Variants in TPST1 observed in about 807,000 individuals in gnomAD.
TPST1 encodes tyrosylprotein sulfotransferase 1.
Under a neutral mutation model 34.8 loss-of-function variants are expected in TPST1, and 20 were observed. That is an observed-to-expected ratio of 0.57 (90% CI 0.40 to 0.84). TPST1 has a LOEUF of 0.84. TPST1 is among the 40% of genes least tolerant of loss of function. The probability of loss-of-function intolerance (pLI) is 0.00; values close to 1 mark genes in which losing one functional copy is unlikely to be tolerated. For missense variants in TPST1, 353 were observed against 455.5 expected (o/e 0.78, Z 2.05); for synonymous variants, 152 against 159.4 (o/e 0.95, Z 0.35).
At chr7:66,305,053 A>G (rs1021697026) in intron 3 of TPST1, among the ~76,000 whole-genome samples, 1 of 152,132 alleles carries the variant, frequency 6.6e-6, no homozygotes, top group Non-Finnish European at 1.5e-5. Flanking sequence ...TCCTGGCCTC[A>G]AGCAATCCTG....
In TPST1 at chr7:66,304,434, C is replaced by A. The variant is rs148815864; in HGVS notation, c.1044+17725C>A. 4.3e-4 allele frequency among the ~76,000 whole-genome samples: 65 copies of A among 152,266 alleles called. No homozygotes were observed. In the East Asian group the frequency reaches 9.3e-3, roughly 22 times the overall value. ...AAAATAATGGCTTCTACTTCATTTC[C>A]ACCTTCTAAAACTCACAGAAGCCTC... On this transcript the variant is annotated intron_variant, in intron 3 of 5. Coordinates refer to ENST00000304842, the MANE Select transcript of TPST1 (RefSeq NM_003596.4).
intron 1 of TPST1, among the ~76,000 whole-genome samples, chr7:66,237,183 C>T (rs75692454): frequency 0.015 from 2,225 of 152,244 alleles, 63 homozygotes; most frequent in East Asian, 0.092. Flanking sequence ...TGGTCATGTG[C>T]GTTCTTCCCC....
chr7:66,206,778 G>T (rs1372599165), intron 1 of TPST1, among the ~76,000 whole-genome samples: 1 of 152,154 alleles, frequency 6.6e-6, no homozygotes, highest in African/African-American at 2.4e-5. Context: ...TAGCTGGATA[G>T]TCCAGGGAGC....
intron 1 of TPST1, among the ~76,000 whole-genome samples, chr7:66,217,942 C>T (rs930973756): frequency 2.6e-5 from 4 of 151,402 alleles, no homozygotes; most frequent in Admixed American, 1.3e-4. Flanking sequence ...TGAAGTGGTA[C>T]GATCTTGGCT....
chr7:66,351,725 TGGC>T (rs1424394204), intron 3 of TPST1, among the ~76,000 whole-genome samples: 10 of 151,464 alleles, frequency 6.6e-5, no homozygotes, highest in African/African-American at 2.4e-4. Context: ...TTGAGGAGAA[TGGC>T]TATCTTTATT....
intron 2 of TPST1, among the ~76,000 whole-genome samples, chr7:66,277,841 C>G (rs978446907): frequency 5.3e-5 from 8 of 151,842 alleles, no homozygotes; most frequent in African/African-American, 1.9e-4. Flanking sequence ...AGTAGGGGGA[C>G]CTATTAGAAG....
chr7:66,282,722 CT>C (rs1457825397), intron 2 of TPST1, among the ~76,000 whole-genome samples: 1 of 152,210 alleles, frequency 6.6e-6, no homozygotes, highest in Admixed American at 6.5e-5. Context: ...TAAGAGGCAA[CT>C]CTGAGAGTTT....
chr7:66,247,254 C>T (rs1790167905), intron 2 of TPST1, among the ~76,000 whole-genome samples: 1 of 152,058 alleles, frequency 6.6e-6, no homozygotes, highest in Non-Finnish European at 1.5e-5. Flanking sequence ...ATGGTGAAAC[C>T]CCATCTCTAC....
chr7:66,235,491 C>T (rs969480837), intron 1 of TPST1, among the ~76,000 whole-genome samples: 2 of 152,092 alleles, frequency 1.3e-5, no homozygotes, highest in African/African-American at 4.8e-5. Flanking sequence ...AGAGTATACA[C>T]ATGAATAAAT....
At chr7:66,313,400 G>T (rs1791570783) in intron 3 of TPST1, among the ~76,000 whole-genome samples, 1 of 152,080 alleles carries the variant, frequency 6.6e-6, no homozygotes, top group Admixed American at 6.6e-5. Flanking sequence ...GGGTGACAGG[G>T]CGAGACTTGA....
At chr7:66,346,067 G>A (rs924582605) in intron 3 of TPST1, among the ~76,000 whole-genome samples, 1 of 150,968 alleles carries the variant, frequency 6.6e-6, no homozygotes, top group Non-Finnish European at 1.5e-5. Context: ...ACAAATAAGT[G>A]AGAACATGTA....
chr7:66,211,795 G>A (rs1161156975), intron 1 of TPST1, among the ~76,000 whole-genome samples: 1 of 152,146 alleles, frequency 6.6e-6, no homozygotes, highest in Non-Finnish European at 1.5e-5. Context: ...GTGAAACCTG[G>A]TCTCTACTAA....
chr7:66,215,459 C>G (rs1197667805), intron 1 of TPST1, among the ~76,000 whole-genome samples: 3 of 151,640 alleles, frequency 2.0e-5, no homozygotes, highest in East Asian at 3.9e-4. Flanking sequence ...GCTGCAAGCT[C>G]TGCCTCCTGG....
intron 1 of TPST1, among the ~76,000 whole-genome samples, chr7:66,207,968 A>G (rs915512355): frequency 5.3e-5 from 8 of 151,678 alleles, no homozygotes; most frequent in Non-Finnish European, 1.2e-4. Context: ...TCTCTTCATA[A>G]CATCTTTTTT....
upstream of TPST1, among the ~76,000 whole-genome samples, chr7:66,200,839 G>A (rs2116160188): frequency 6.6e-6 from 1 of 152,290 alleles, no homozygotes; most frequent in African/African-American, 2.4e-5. Flanking sequence ...CGATTCTCCT[G>A]CCTCAGCCTC....
At chr7:66,261,326 CTT>C (rs1297352535) in intron 2 of TPST1, among the ~76,000 whole-genome samples, 1 of 148,370 alleles carries the variant, frequency 6.7e-6, no homozygotes, top group African/African-American at 2.5e-5. Context: ...GATAAGCACT[CTT>C]TACTTTTTTC....
At chr7:66,311,432 C>G (rs1347003097) in intron 3 of TPST1, among the ~76,000 whole-genome samples, 1 of 152,134 alleles carries the variant, frequency 6.6e-6, no homozygotes, top group African/African-American at 2.4e-5. Flanking sequence ...AGCCACTGTG[C>G]CCAGCCATTT....
chr7:66,283,255 C>A (rs369975826), intron 2 of TPST1, among the ~76,000 whole-genome samples: 2 of 151,830 alleles, frequency 1.3e-5, no homozygotes, highest in Non-Finnish European at 2.9e-5. Context: ...AGCAAGAGTC[C>A]GTCTCAAAAA....
chr7:66,203,781 G>A (rs746490950), upstream of TPST1, among the ~76,000 whole-genome samples: 5 of 151,878 alleles, frequency 3.3e-5, no homozygotes, highest in African/African-American at 4.8e-5. Flanking sequence ...CACTGCACCC[G>A]GCCACACACA....
Sources: gnomAD v4.1 joint callset for allele counts (sites outside exome capture counted in the v4.1 genomes callset) on GRCh38, gnomAD v4.1.1 for gene constraint, MANE v1.5 for transcripts, NCBI Gene and HGNC (gene_info 2026-07-23, HGNC 2026-07-21) for gene names.